MGAT5: variants seen among roughly 807,000 people sequenced by gnomAD.
MGAT5 encodes the protein alpha-1,6-mannosylglycoprotein 6-beta-N-acetylglucosaminyltransferase.
MGAT5 carries 30 observed loss-of-function variants against 94.3 expected under a neutral mutation model. The observed-to-expected ratio is 0.32, with a 90% CI of 0.24 to 0.43. MGAT5 has a LOEUF of 0.43. MGAT5 is among the 20% of genes least tolerant of loss of function. The probability of loss-of-function intolerance (pLI) is 1.00; values close to 1 mark genes in which losing one functional copy is unlikely to be tolerated. For missense variants in MGAT5, 691 were observed against 905.5 expected (o/e 0.76, Z 3.04); for synonymous variants, 310 against 322.9 (o/e 0.96, Z 0.43).
chr2:134,234,686 G>C (rs1200541689), intron 1 of MGAT5, among the ~76,000 whole-genome samples: 5 of 152,260 alleles, frequency 3.3e-5, no homozygotes, highest in Non-Finnish European at 7.3e-5. Flanking sequence ...TCACAAGCTT[G>C]TGTTGGGTGG....
intron 1 of MGAT5, among the ~76,000 whole-genome samples, chr2:134,246,401 C>T (rs1278098362): frequency 1.3e-5 from 2 of 152,134 alleles, no homozygotes; most frequent in Non-Finnish European, 2.9e-5. Context: ...GACCTCAGAG[C>T]TTCTTCCCAG....
At chr2:134,192,800 C>T (rs1038098947) in intron 1 of MGAT5, among the ~76,000 whole-genome samples, 1 of 151,684 alleles carries the variant, frequency 6.6e-6, no homozygotes, top group African/African-American at 2.4e-5. Context: ...AAATATTTAT[C>T]ATGGGAAAAT....
At chr2:134,171,326 G>A (rs1573787222) in intron 1 of MGAT5, among the ~76,000 whole-genome samples, 1 of 152,028 alleles carries the variant, frequency 6.6e-6, no homozygotes, top group Non-Finnish European at 1.5e-5. Context: ...TTTTAAAATT[G>A]TGCATATATA....
chr2:134,310,436 G>A (rs755586), intron 2 of MGAT5, among the ~76,000 whole-genome samples: 6 of 152,122 alleles, frequency 3.9e-5, no homozygotes, highest in African/African-American at 1.4e-4. Context: ...GGGTTGAATG[G>A]TGTGGTTTCA....
intron 2 of MGAT5, among the ~76,000 whole-genome samples, chr2:134,288,243 G>A (rs1261552512): frequency 1.3e-5 from 2 of 152,162 alleles, no homozygotes; most frequent in East Asian, 1.9e-4. Context: ...CTCAACATCA[G>A]TTCCACAAAA....
At position 134,405,043 on chromosome 2, in the gene MGAT5, C is replaced by T. The variant is rs941843297; in HGVS notation, c.1530+1906C>T. Among the ~76,000 whole-genome samples the T allele has an allele frequency of 3.9e-4, 59 of 152,252 alleles. 3 individuals are homozygous for T. The highest frequency in any genetic ancestry group is 2.4e-5 in the African/African-American group (1 of 41,458). On this transcript the variant is annotated intron_variant, in intron 11 of 15. Transcript: ENST00000281923. Reference sequence around the variant, plus strand: ...AGCAGTGTGTCATTACTGTCTCACACACTTTTATTAACCCAACCTCATGAA... The same window carrying T: ...AGCAGTGTGTCATTACTGTCTCACATACTTTTATTAACCCAACCTCATGAA...
chr2:134,256,825 C>T (rs1344742667), intron 1 of MGAT5, among the ~76,000 whole-genome samples: 6 of 152,234 alleles, frequency 3.9e-5, no homozygotes, highest in Non-Finnish European at 8.8e-5. Context: ...ACATCAGCAA[C>T]TCTAACTGAC....
chr2:134,377,322 G>A (rs1681246928), intron 10 of MGAT5, among the ~76,000 whole-genome samples: 1 of 152,180 alleles, frequency 6.6e-6, no homozygotes, highest in Admixed American at 6.5e-5. Context: ...CCTCATAGCT[G>A]TGGTCTAAGC....
chr2:134,301,652 A>G (rs76000675), intron 2 of MGAT5, among the ~76,000 whole-genome samples: 2,643 of 152,208 alleles, frequency 0.017, 86 homozygotes, highest in African/African-American at 0.06. Flanking sequence ...ACAGCTCTGG[A>G]AGCTGGTTTA....
At chr2:134,231,955 A>G (rs940113181) in intron 1 of MGAT5, among the ~76,000 whole-genome samples, 14 of 152,106 alleles carry the variant, frequency 9.2e-5, no homozygotes, top group African/African-American at 2.9e-4. Context: ...ATATAGTACT[A>G]TTGCTCTGTG....
chr2:134,299,163 GTTA>G lies in MGAT5; in HGVS notation c.407-18363_407-18361del, dbSNP rs1310082384. 3.3e-5 allele frequency among the ~76,000 whole-genome samples: 5 copies of G among 152,194 alleles called. No individual in the cohort carries two copies. The East Asian group carries it at 9.6e-4, about 29-fold the overall frequency. On this transcript the variant is annotated intron_variant, in intron 2 of 15. Coordinates refer to ENST00000281923, the MANE Select transcript of MGAT5 (RefSeq NM_002410.5). ...ATCTCTGTCAATTCTGTGAGCCAGT[GTTA>G]TTCTGGAGCATACAAAAGCAGACTG...
At chr2:134,123,895 G>A (rs540239477) in intron 1 of MGAT5, among the ~76,000 whole-genome samples, 170 of 152,252 alleles carry the variant, frequency 1.1e-3, no homozygotes, top group Admixed American at 1.6e-3. Flanking sequence ...GTTAATAATT[G>A]CTTTGAAGTA....
At chr2:134,292,953 A>G (rs1685460275) in intron 2 of MGAT5, among the ~76,000 whole-genome samples, 4 of 152,226 alleles carry the variant, frequency 2.6e-5, no homozygotes, top group Admixed American at 2.6e-4. Flanking sequence ...CAAACAGATA[A>G]CAGATGGAGG....
chr2:134,191,840 C>CCTT (rs1679211057), intron 1 of MGAT5, among the ~76,000 whole-genome samples: 1 of 146,158 alleles, frequency 6.8e-6, no homozygotes, highest in African/African-American at 2.5e-5. Flanking sequence ...TGGATTCGCG[C>CCTT]CCTCCTCCTC....
intron 1 of MGAT5, among the ~76,000 whole-genome samples, chr2:134,154,789 G>A (rs1426939840): frequency 6.6e-6 from 1 of 152,158 alleles, no homozygotes; most frequent in Non-Finnish European, 1.5e-5. Flanking sequence ...GAGCTGTGAG[G>A]CGATCAAGTT....
intron 1 of MGAT5, among the ~76,000 whole-genome samples, chr2:134,184,929 G>A (rs1688930763): frequency 6.6e-6 from 1 of 152,056 alleles, no homozygotes; most frequent in Admixed American, 6.5e-5. Flanking sequence ...TCAATAGTTT[G>A]GGGGAACAGG....
chr2:134,144,217 G>A (rs1686798512), intron 1 of MGAT5, among the ~76,000 whole-genome samples: 1 of 152,102 alleles, frequency 6.6e-6, no homozygotes, highest in Non-Finnish European at 1.5e-5. Flanking sequence ...AGGTTTAATT[G>A]GCTTACAGTT....
At chr2:134,306,572 G>A (rs1238592636) in intron 2 of MGAT5, among the ~76,000 whole-genome samples, 1 of 152,050 alleles carries the variant, frequency 6.6e-6, no homozygotes, top group African/African-American at 2.4e-5. Flanking sequence ...GTTTCAGTGT[G>A]GTGCAGGCAA....
intron 1 of MGAT5, among the ~76,000 whole-genome samples, chr2:134,194,399 G>A (rs1679395493): frequency 6.6e-6 from 1 of 152,048 alleles, no homozygotes; most frequent in Non-Finnish European, 1.5e-5. Flanking sequence ...TACTACTGCT[G>A]TTACAGTTTT....
Sources: gnomAD v4.1 joint callset for allele counts (sites outside exome capture counted in the v4.1 genomes callset) on GRCh38, gnomAD v4.1.1 for gene constraint, MANE v1.5 for transcripts, NCBI Gene and HGNC (gene_info 2026-07-23, HGNC 2026-07-21) for gene names.